The following DAB1 variants were observed in gnomAD, a reference collection of about 807,000 sequenced individuals.
DAB1 encodes the protein disabled homolog 1.
A neutral mutation model predicts 64.6 loss-of-function variants in DAB1; 15 were observed. The ratio of observed to expected loss-of-function variants is 0.23; its 90% CI spans 0.16 to 0.36. DAB1 has a LOEUF of 0.36. Among genes scored for constraint, DAB1 ranks in the 10% least tolerant of loss-of-function variants. The pLI is 1.00. For missense variants in DAB1, 596 were observed against 706.7 expected, an observed-to-expected ratio of 0.84 and a Z score of 1.78; for synonymous variants, 235 against 251.9, an observed-to-expected ratio of 0.93 and a Z score of 0.64.
At chr1:57,561,584 C>A (rs1645052351) in intron 7 of DAB1, among the ~76,000 whole-genome samples, 1 of 152,218 alleles carries the variant, frequency 6.6e-6, no homozygotes, top group Non-Finnish European at 1.5e-5. Flanking sequence ...CAGGTGACCT[C>A]AGCAGATGAG....
chr1:58,305,701 C>T (rs1473110476), intron 4 of DAB1, among the ~76,000 whole-genome samples: 2 of 152,144 alleles, frequency 1.3e-5, no homozygotes, highest in African/African-American at 2.4e-5. Context: ...CAAAAAAGTT[C>T]TATCAAGTAG....
At chr1:57,575,505 A>C (rs1304893415) in intron 7 of DAB1, among the ~76,000 whole-genome samples, 1 of 152,216 alleles carries the variant, frequency 6.6e-6, no homozygotes, top group African/African-American at 2.4e-5. Flanking sequence ...CAGATACTAG[A>C]GAATTGGAGT....
chr1:57,010,899 G>A, intron 13 of DAB1, 109 bp from the exon 14 acceptor site: 1 of 926,530 alleles, frequency 1.1e-6, no homozygotes, highest in Admixed American at 2.8e-5. Flanking sequence ...GTAAAGGAGG[G>A]TGCAACGGCA....
At chr1:57,030,688 G>A (rs1475822894) in intron 9 of DAB1, among the ~76,000 whole-genome samples, 1 of 152,194 alleles carries the variant, frequency 6.6e-6, no homozygotes, top group Non-Finnish European at 1.5e-5. Context: ...TGGGAATGAG[G>A]TGGACAGCAC....
At chr1:57,875,223 T>C (rs1250676432) in intron 1 of DAB1, 2 of 152,268 alleles carry the variant, frequency 1.3e-5, no homozygotes, top group African/African-American at 4.8e-5. Context: ...GGTGACTTAA[T>C]GCCCAAGTTC....
At chr1:57,106,107 A>T (rs1570701791) in intron 4 of DAB1, among the ~76,000 whole-genome samples, 1 of 152,210 alleles carries the variant, frequency 6.6e-6, no homozygotes, top group African/African-American at 2.4e-5. Context: ...CTCAGTTCCT[A>T]ATAGTTTCTC....
chr1:57,126,373 G>A (rs1180693945), intron 4 of DAB1, among the ~76,000 whole-genome samples: 3 of 152,138 alleles, frequency 2.0e-5, no homozygotes, highest in Non-Finnish European at 4.4e-5. Context: ...CTTTGTTTTG[G>A]CAGGCACACA....
In DAB1 at chr1:58,051,055, T is replaced by TA. The variant is rs549043803; in HGVS notation, n.387+99455_387+99456insT. On this transcript the variant is annotated intron_variant and non_coding_transcript_variant, in intron 5 of 20. Coordinates refer to the DAB1 transcript ENST00000485760. ...AATTTATAAAGAGAAGAAATTTTTT[T>TA]TATATATATATACTTTAAGTTCTAG... Among the ~76,000 whole-genome samples the TA allele has an allele frequency of 2.8e-3, 428 of 152,152 alleles. 5 individuals are homozygous for TA. The highest frequency in any genetic ancestry group is 9.6e-3 in the African/African-American group (399 of 41,502).
chr1:57,478,846 G>A (rs965671610), intron 7 of DAB1, among the ~76,000 whole-genome samples: 4 of 150,916 alleles, frequency 2.7e-5, no homozygotes, highest in South Asian at 2.1e-4. Context: ...ATGATCCACC[G>A]ACCTCGGACT....
At chr1:57,017,470 C>A (rs181911873) in intron 11 of DAB1, among the ~76,000 whole-genome samples, 1 of 152,134 alleles carries the variant, frequency 6.6e-6, no homozygotes, top group African/African-American at 2.4e-5. Flanking sequence ...ACTCCATGCT[C>A]AAGTCACAGA....
rs1645913576 is a variant in DAB1, at chr1:58,501,933, C to CT, written n.257+4126_257+4127insA. Among the ~76,000 whole-genome samples the CT allele has an allele frequency of 3.3e-5, 5 of 152,024 alleles. No individual in the cohort carries two copies. In the South Asian group the frequency reaches 1.0e-3, roughly 32 times the overall value. ...CTGCCTCTCCCTCCTCACTGCCCCC[C>CT]ACTCCCGCCCCCAGCACCAAATTTA... is the stretch of plus-strand genomic sequence containing the variant. On this transcript the variant is annotated intron_variant and non_coding_transcript_variant, in intron 3 of 20. Transcript: ENST00000485760.
chr1:57,881,320 T>C (rs1404969730), intron 1 of DAB1, among the ~76,000 whole-genome samples: 1 of 152,172 alleles, frequency 6.6e-6, no homozygotes, highest in Non-Finnish European at 1.5e-5. Context: ...AATAATGATC[T>C]TTCAATAAAA....
intron 1 of DAB1, among the ~76,000 whole-genome samples, chr1:57,292,559 C>T (rs189316166): frequency 0.013 from 2,007 of 152,206 alleles, 57 homozygotes; most frequent in Admixed American, 0.075. Context: ...TCCAGACCCT[C>T]GTCTCTAAGA....
At chr1:57,958,546 T>C (rs1570079073) in intron 5 of DAB1, among the ~76,000 whole-genome samples, 1 of 152,096 alleles carries the variant, frequency 6.6e-6, no homozygotes. Flanking sequence ...AGTCACCTAA[T>C]CTCTTCCTCT....
At chr1:58,377,984 C>T (rs1434893429) in intron 3 of DAB1, among the ~76,000 whole-genome samples, 1 of 141,676 alleles carries the variant, frequency 7.1e-6, no homozygotes, top group Non-Finnish European at 1.6e-5. Context: ...GCTCCTGAGG[C>T]TTCTGCATTC....
chr1:57,963,490 G>C (rs775216142), intron 5 of DAB1, among the ~76,000 whole-genome samples: 1 of 152,110 alleles, frequency 6.6e-6, no homozygotes, highest in Non-Finnish European at 1.5e-5. Context: ...ATCTGTGAAC[G>C]TCCTGAAAGC....
At position 57,636,665 on chromosome 1, in the gene DAB1, G is replaced by A. The variant is rs1415661817; in HGVS notation, n.625+12927C>T. Among the ~76,000 whole-genome samples, 6 of 152,320 alleles carry A rather than the reference G, an allele frequency of 3.9e-5. No homozygotes were observed. The East Asian group carries it at 1.2e-3, about 29-fold the overall frequency. On this transcript the variant is annotated intron_variant and non_coding_transcript_variant, in intron 7 of 20. Transcript: ENST00000485760. ...TGGGTGAGATATGGGGTGTACAAAA[G>A]AGCAGGGTGGGTCAAAGGTGGCTCC...
intron 3 of DAB1, among the ~76,000 whole-genome samples, chr1:58,454,662 C>T (rs1645173198): frequency 6.6e-6 from 1 of 152,148 alleles, no homozygotes; most frequent in African/African-American, 2.4e-5. Flanking sequence ...CACCTGGGGA[C>T]CCTCCCTCCT....
intron 1 of DAB1, among the ~76,000 whole-genome samples, chr1:57,327,084 G>A (rs911402299): frequency 7.2e-5 from 11 of 152,040 alleles, no homozygotes; most frequent in Non-Finnish European, 1.0e-4. Context: ...GACTACAGGC[G>A]TGTGACCTCA....
Sources: allele counts gnomAD v4.1 joint callset (sites outside exome capture counted in the v4.1 genomes callset), GRCh38; gene constraint gnomAD v4.1.1; transcripts MANE v1.5; gene names NCBI Gene and HGNC (gene_info 2026-07-23, HGNC 2026-07-21).